DGKZ: variants seen among roughly 807,000 people sequenced by gnomAD.
The protein encoded by DGKZ is diacylglycerol kinase zeta, also known as DAG kinase zeta.
In DGKZ, 45 loss-of-function variants were observed where a neutral mutation model predicts 142.5. The ratio of observed to expected loss-of-function variants is 0.32; its 90% CI spans 0.25 to 0.40. The LOEUF (loss-of-function observed/expected upper bound fraction) is 0.40, where lower values mean the gene tolerates loss of function less well. DGKZ is among the 10% of genes least tolerant of loss of function. The pLI is 1.00. For synonymous variants in DGKZ, 442 were observed against 527.0 expected (o/e 0.84, Z 2.21); for missense variants, 755 against 1,306.5 (o/e 0.58, Z 6.51).
At chr11:46,365,139 G>C in intron 1 of DGKZ, 1 of 985,416 alleles carries the variant, frequency 1.0e-6, no homozygotes, top group Non-Finnish European at 1.2e-6. Flanking sequence ...GTTCAGGATG[G>C]GTCCATGGAG....
intron 1 of DGKZ, chr11:46,333,516 C>T: frequency 2.0e-6 from 3 of 1,535,016 alleles, no homozygotes; most frequent in Middle Eastern, 2.3e-4. Context: ...GAGGGGAGCG[C>T]GGCGCTTGGG....
At chr11:46,365,110 CAGAG>C in intron 1 of DGKZ, 1 of 985,376 alleles carries the variant, frequency 1.0e-6, no homozygotes, top group Middle Eastern at 5.2e-4. Flanking sequence ...GGTGAGCTGG[CAGAG>C]GGAGCAAAGC....
chr11:46,377,255 C>T, intron 25 of DGKZ, 43 bp downstream of exon 25: 5 of 1,538,702 alleles, frequency 3.2e-6, no homozygotes, highest in South Asian at 1.3e-5. Context: ...GGCTTTCAGC[C>T]CCACCTGTAA....
chr11:46,349,347 A>AG (rs956358799), intron 1 of DGKZ, among the ~76,000 whole-genome samples: 1 of 152,014 alleles, frequency 6.6e-6, no homozygotes, highest in Non-Finnish European at 1.5e-5. Context: ...AGGGGGAGGG[A>AG]GGGGCGCCAC....
At chr11:46,378,326 C>T in intron 26 of DGKZ, 97 bp downstream of exon 26, 3 of 1,542,288 alleles carry the variant, frequency 1.9e-6, no homozygotes, top group Non-Finnish European at 8.8e-7. Flanking sequence ...CTTACACAAA[C>T]ACAGCCTTTG....
intron 1 of DGKZ, among the ~76,000 whole-genome samples, chr11:46,352,210 C>T (rs113430252): frequency 3.3e-5 from 5 of 152,208 alleles, no homozygotes; most frequent in East Asian, 1.9e-4. Flanking sequence ...AGCAGGGATC[C>T]GGAGCCCTTC....
chr11:46,358,094 A>G (rs952875312), intron 1 of DGKZ, among the ~76,000 whole-genome samples: 1 of 152,170 alleles, frequency 6.6e-6, no homozygotes, highest in Non-Finnish European at 1.5e-5. Context: ...GATAAAGTCA[A>G]AACTATTTTC....
At chr11:46,368,302 G>A in intron 4 of DGKZ, 1 of 620,830 alleles carries the variant, frequency 1.6e-6, no homozygotes, top group Non-Finnish European at 3.0e-6. Context: ...GGCGCCTAGT[G>A]GGTTCGTTGA....
At chr11:46,349,157 C>T (rs770158322) in intron 1 of DGKZ, among the ~76,000 whole-genome samples, 36 of 152,238 alleles carry the variant, frequency 2.4e-4, no homozygotes, top group Non-Finnish European at 2.6e-4. Context: ...GATCTGAATT[C>T]TTACACTGGC....
At position 46,371,298 on chromosome 11, in the gene DGKZ, C is replaced by G; in HGVS notation, c.571-15C>G. 6.2e-7 allele frequency: 1 copy of G among 1,612,940 alleles called. No homozygotes were observed. Among genetic ancestry groups the G allele is most frequent in the African/African-American group, 1.3e-5 (1 of 75,040 alleles). The stretch of plus-strand genomic sequence containing the variant: ...CACGCCTGCCCTGGTTCCCATCCAT[C>G]CTGTCTACCCTCAGGGATTCCAGCA... On this transcript the variant is annotated splice_polypyrimidine_tract_variant and intron_variant, in intron 6 of 30. Coordinates refer to ENST00000527911, the Ensembl canonical transcript of DGKZ.
intron 4 of DGKZ, chr11:46,369,217 C>T (rs1943671458): frequency 1.8e-6 from 1 of 541,078 alleles, no homozygotes; most frequent in South Asian, 2.0e-5. Flanking sequence ...AAACCATGGT[C>T]CCATGTTAGT....
At chr11:46,355,163 C>A (rs993820521) in intron 1 of DGKZ, among the ~76,000 whole-genome samples, 1 of 152,148 alleles carries the variant, frequency 6.6e-6, no homozygotes, top group African/African-American at 2.4e-5. Flanking sequence ...GGCTAGAGTG[C>A]AGTGGTGCGA....
upstream of DGKZ, chr11:46,345,524 C>T: frequency 6.6e-7 from 1 of 1,525,344 alleles, no homozygotes; most frequent in Non-Finnish European, 8.8e-7. This position sits in a 1 kb window ranked among gnomAD's most constrained non-coding sequence, Gnocchi z 4.1. Context: ...GTCACTGAGG[C>T]AGATGTGGCG....
Position 46,367,158 on chromosome 11 carries a change from G to C in DGKZ, c.162-133G>C. The C allele has an allele frequency of 8.1e-7, 1 of 1,241,218 alleles. No homozygotes were observed. Among genetic ancestry groups the C allele is most frequent in the African/African-American group, 1.5e-5 (1 of 67,030 alleles). The allele number at this position is 1,241,218 out of a possible 1,614,324, so 76.9% of individuals were successfully genotyped here. On this transcript the variant is annotated intron_variant, in intron 1 of 30. Coordinates refer to ENST00000527911, the Ensembl canonical transcript of DGKZ. This position sits in a 1 kb window ranked among gnomAD's most constrained non-coding sequence, Gnocchi z 4.1. ...TGTCTCTTGCAGGGAGCCTCTTAGT[G>C]TCTGGGGCTGCTGGGAGGCTCCTCC...
Position 46,377,068 on chromosome 11 carries a change from C to T in DGKZ, c.2203-5C>T, listed in dbSNP as rs143434860. On this transcript the variant is annotated splice_region_variant and splice_polypyrimidine_tract_variant and intron_variant, in intron 24 of 30. Coordinates refer to ENST00000527911, the Ensembl canonical transcript of DGKZ. ...CTGACCTCCCGCCCTGACCTCCCCC[C>T]ACAGGAGCACCTCAACTATGTGACT... is the stretch of plus-strand genomic sequence containing the variant. 1.2e-5 allele frequency: 20 copies of T among 1,612,778 alleles called. No individual in the cohort carries two copies. The highest frequency in any genetic ancestry group is 2.7e-5 in the African/African-American group (2 of 75,004).
rs747770689 is a variant in DGKZ, at chr11:46,375,904, A to G, written c.1964A>G (p.His655Arg). ...ATCCAGGTGAGTCGCGTCAGCATGC[A>G]CGACTATGAGGCCCTGCACTACGAC... Residue 655 changes from histidine (H) to arginine (R), a missense_variant, in exon 21 of 31, where the codon CAC becomes CGC. Transcript: ENST00000527911. The G allele has an allele frequency of 6.9e-6, 11 of 1,594,476 alleles. No individual in the cohort carries two copies. Among genetic ancestry groups the G allele is most frequent in the Middle Eastern group, 1.7e-4 (1 of 5,744 alleles).
At chr11:46,379,538 C>A (rs746198693) in exon 30 of DGKZ, 2 of 1,610,964 alleles carry the variant, frequency 1.2e-6, no homozygotes, top group Admixed American at 3.3e-5. Context: ...TCGTGGAGGC[C>A]GGGGCCTCGC....
chr11:46,345,478 G>T, upstream of DGKZ: 1 of 1,506,840 alleles, frequency 6.6e-7, no homozygotes. The surrounding 1 kb of genome is among the most constrained non-coding windows in gnomAD (Gnocchi z 4.1). Context: ...TGGGCCCAGT[G>T]GAGGCGCTGG....
intron 1 of DGKZ, among the ~76,000 whole-genome samples, chr11:46,342,219 C>T (rs1207949170): frequency 6.6e-6 from 1 of 152,156 alleles, no homozygotes; most frequent in Non-Finnish European, 1.5e-5. Context: ...CTAGGAACTG[C>T]CAAGGGCATC....
Sources: allele counts gnomAD v4.1 joint callset (sites outside exome capture counted in the v4.1 genomes callset), GRCh38; gene constraint gnomAD v4.1.1; non-coding constraint Gnocchi (gnomAD v3.1); transcripts MANE v1.5; gene names NCBI Gene and HGNC (gene_info 2026-07-23, HGNC 2026-07-21).